EFCAB5: variants seen among roughly 807,000 people sequenced by gnomAD.
EFCAB5 encodes the protein EF-hand calcium-binding domain-containing protein 5.
In EFCAB5, 131 loss-of-function variants were observed where a neutral mutation model predicts 167.9. That is an observed-to-expected ratio of 0.78 (90% CI 0.68 to 0.90). The LOEUF is 0.90. Among genes scored for constraint, EFCAB5 ranks in the 40% least tolerant of loss-of-function variants. The pLI is 0.00. For missense variants in EFCAB5, 1,663 were observed against 1,745.2 expected (o/e 0.95, Z 0.84); for synonymous variants, 574 against 602.8 (o/e 0.95, Z 0.70).
chr17:29,988,006 A>G (rs1301943589), intron 4 of EFCAB5, among the ~76,000 whole-genome samples: 1 of 152,214 alleles, frequency 6.6e-6, no homozygotes, highest in Admixed American at 6.5e-5. Context: ...CCTCCTGTGA[A>G]AGATGAGGAA....
At chr17:29,962,233 T>G (rs1337466445) in intron 3 of EFCAB5, among the ~76,000 whole-genome samples, 1 of 152,216 alleles carries the variant, frequency 6.6e-6, no homozygotes, top group South Asian at 2.1e-4. Context: ...AAAAGACTAT[T>G]GGAATTTTGA....
At position 29,932,323 on chromosome 17, in the gene EFCAB5, A is replaced by G. The variant is rs771202172; in HGVS notation, c.-127+2994A>G. On this transcript the variant is annotated intron_variant, in intron 1 of 3. Transcript: ENST00000448319. The stretch of plus-strand genomic sequence containing the variant: ...CCGCCACCACACCCGGCTAGTTTTT[A>G]TATTTTTAGTAGGGACGGGGTTTCA... 6.0e-4 allele frequency among the ~76,000 whole-genome samples: 85 copies of G among 141,016 alleles called. 1 individual carries two copies. Among genetic ancestry groups the G allele is most frequent in the Non-Finnish European group, 7.1e-4 (46 of 64,924 alleles). 92.5% of individuals were successfully genotyped at this position (141,016 alleles called of 152,430 possible).
At chr17:30,027,418 TCTTTATA>T (rs1016315149) in intron 7 of EFCAB5, among the ~76,000 whole-genome samples, 6 of 151,324 alleles carry the variant, frequency 4.0e-5, no homozygotes, top group Non-Finnish European at 7.4e-5. Flanking sequence ...ATATGAACTC[TCTTTATA>T]CTTTATTAGG....
chr17:29,985,924 A>G (rs953821113), intron 4 of EFCAB5, among the ~76,000 whole-genome samples: 3 of 152,198 alleles, frequency 2.0e-5, no homozygotes, highest in Non-Finnish European at 1.5e-5. Context: ...AAGACGATAA[A>G]AGCAAAGGCG....
chr17:30,057,767 T>C lies in EFCAB5; in HGVS notation c.2457T>C (p.Phe819=), dbSNP rs762823150. 1 of 1,613,758 alleles carries C rather than the reference T, an allele frequency of 6.2e-7. No individual in the cohort carries two copies. Among genetic ancestry groups the C allele is most frequent in the African/African-American group, 1.3e-5 (1 of 74,922 alleles). The change falls in exon 13 of 23, where the codon TTT becomes TTC. Residue 819 remains phenylalanine, a synonymous_variant. Transcript: ENST00000394835. ...FNGVSFNLLQ[F]VQLLETFVGE... ...GAGTTTCATTCAATCTGCTCCAGTTTGTGCAACTCCTGGAGACATTTGTTG... is the reference window on the plus strand; with the variant it reads ...GAGTTTCATTCAATCTGCTCCAGTTCGTGCAACTCCTGGAGACATTTGTTG...
chr17:30,073,317 G>T, intron 14 of EFCAB5: 1 of 540,488 alleles, frequency 1.9e-6, no homozygotes, highest in East Asian at 3.0e-5. Context: ...TCAGTCTCCC[G>T]AAGTGCTGGG....
Position 30,078,185 on chromosome 17 carries a change from A to T in EFCAB5, c.2738-30A>T, listed in dbSNP as rs1209865535. ...CCCACCAATGAGTGAACTTTTGGTTAGTTCTTGGTTTCGTGTTTGTGTCTT... is the reference window on the plus strand; with the variant it reads ...CCCACCAATGAGTGAACTTTTGGTTTGTTCTTGGTTTCGTGTTTGTGTCTT... On this transcript the variant is annotated intron_variant, in intron 14 of 22. Transcript: ENST00000394835. The T allele has an allele frequency of 1.9e-6, 3 of 1,573,116 alleles. No homozygotes were observed. In the East Asian group the frequency reaches 6.8e-5, roughly 35 times the overall value.
At chr17:30,008,763 A>T (rs182694025) in intron 7 of EFCAB5, among the ~76,000 whole-genome samples, 22 of 152,290 alleles carry the variant, frequency 1.4e-4, no homozygotes, top group African/African-American at 5.3e-4. Flanking sequence ...TAGCAGCTTT[A>T]TTCAGATATA....
At chr17:30,039,863 A>G (rs746335649) in intron 8 of EFCAB5, among the ~76,000 whole-genome samples, 2 of 152,136 alleles carry the variant, frequency 1.3e-5, no homozygotes, top group African/African-American at 4.8e-5. Context: ...TCCACCTCCT[A>G]CAACTGCCCT....
rs541756517 is a variant in EFCAB5 at position 30,040,413 on chromosome 17, T to C, written c.1200+6028T>C. On this transcript the variant is annotated intron_variant, in intron 8 of 22. Coordinates refer to ENST00000394835, the MANE Select transcript of EFCAB5 (RefSeq NM_198529.4). ...TCCCCAAGCAGTTGTATGGTGGTAT[T>C]ATGGAGAACCTTTACTGGACACTCT... Among the ~76,000 whole-genome samples the C allele has an allele frequency of 9.8e-5, 15 of 152,332 alleles. No individual in the cohort carries two copies. In the East Asian group the frequency reaches 2.9e-3, roughly 29 times the overall value.
At chr17:30,035,112 T>G (rs780463024) in intron 8 of EFCAB5, among the ~76,000 whole-genome samples, 14 of 152,240 alleles carry the variant, frequency 9.2e-5, no homozygotes, top group Non-Finnish European at 1.6e-4. Context: ...GTTCTTAGAT[T>G]CCTGCTAATT....
intron 22 of EFCAB5, among the ~76,000 whole-genome samples, chr17:30,094,219 A>G (rs1443297965): frequency 6.6e-6 from 1 of 152,078 alleles, no homozygotes; most frequent in Non-Finnish European, 1.5e-5. Context: ...CCCCCACTTC[A>G]TCCTAGTTCA....
chr17:29,940,169 G>A (rs912737822), upstream of EFCAB5, among the ~76,000 whole-genome samples: 9 of 151,640 alleles, frequency 5.9e-5, no homozygotes, highest in African/African-American at 2.2e-4. Flanking sequence ...TCCGCCTCCC[G>A]GGTTCAAGCC....
intron 1 of EFCAB5, among the ~76,000 whole-genome samples, chr17:29,935,760 G>A (rs934505410): frequency 6.6e-6 from 1 of 151,556 alleles, no homozygotes; most frequent in Non-Finnish European, 1.5e-5. Flanking sequence ...AGGAAGCAAA[G>A]GGAAAAATTT....
chr17:30,071,822 G>T (rs990616756), intron 14 of EFCAB5, among the ~76,000 whole-genome samples: 6 of 152,056 alleles, frequency 3.9e-5, no homozygotes, highest in African/African-American at 1.4e-4. Context: ...CCACCAAAAA[G>T]AAAAAAATCT....
intron 22 of EFCAB5, among the ~76,000 whole-genome samples, chr17:30,096,869 G>A (rs1210441115): frequency 2.0e-5 from 3 of 146,692 alleles, no homozygotes; most frequent in South Asian, 2.1e-4. Context: ...TAGTAGAGAC[G>A]GGGTTGCACC....
chr17:30,089,823 T>G (rs936673076), intron 19 of EFCAB5, among the ~76,000 whole-genome samples: 2 of 152,168 alleles, frequency 1.3e-5, no homozygotes, highest in Non-Finnish European at 2.9e-5. Context: ...AACCCCTCCC[T>G]TTGCCTCAAG....
chr17:29,951,162 G>A (rs988646116), intron 3 of EFCAB5, among the ~76,000 whole-genome samples: 2 of 152,122 alleles, frequency 1.3e-5, no homozygotes, highest in Admixed American at 1.3e-4. Flanking sequence ...TCAAAACTTG[G>A]GAGAGAGATT....
At chr17:29,949,671 G>C (rs905831691) in intron 3 of EFCAB5, among the ~76,000 whole-genome samples, 1 of 152,234 alleles carries the variant, frequency 6.6e-6, no homozygotes, top group Non-Finnish European at 1.5e-5. Flanking sequence ...AGGTCACTCA[G>C]TCAAAAGACA....
Sources: gnomAD v4.1 joint callset for allele counts (sites outside exome capture counted in the v4.1 genomes callset) on GRCh38, gnomAD v4.1.1 for gene constraint, MANE v1.5 for transcripts, NCBI Gene and HGNC (gene_info 2026-07-23, HGNC 2026-07-21) for gene names.